The following KLRB1 variants were observed in gnomAD, a reference collection of about 807,000 sequenced individuals.
KLRB1 encodes killer cell lectin-like receptor subfamily B member 1.
In KLRB1, 27 loss-of-function variants were observed where a neutral mutation model predicts 33.5. The ratio of observed to expected loss-of-function variants is 0.81; its 90% confidence interval spans 0.59 to 1.11. The LOEUF (loss-of-function observed/expected upper bound fraction) is 1.11, where lower values mean the gene tolerates loss of function less well. KLRB1 is among the 50% of genes most tolerant of loss of function. The pLI, the probability that KLRB1 is intolerant of heterozygous loss-of-function variation, is 0.00. For missense variants in KLRB1, 241 were observed against 254.1 expected, an observed-to-expected ratio of 0.95 and a Z score of 0.35; for synonymous variants, 64 against 88.9, an observed-to-expected ratio of 0.72 and a Z score of 1.58.
Position 9,607,846 on chromosome 12 carries a change from C to G in KLRB1, c.-7G>C, listed in dbSNP as rs761996100. 2.5e-6 allele frequency: 4 copies of G among 1,603,376 alleles called. No individual in the cohort carries two copies. The highest frequency in any genetic ancestry group is 2.2e-5 in the East Asian group (1 of 44,784). ...ATATTGCTTGTTGGTCCATGGCAGA[C>G]AGAGGAAGGTGGCATTAAACTTGTG... is the stretch of plus-strand genomic sequence containing the variant. On this transcript the variant is annotated 5_prime_UTR_variant, in exon 1 of 6. Transcript: ENST00000229402.
chr12:9,599,858 A>C lies in KLRB1; in HGVS notation c.185-17T>G. On this transcript the variant is annotated splice_polypyrimidine_tract_variant and intron_variant, in intron 2 of 5. Coordinates refer to ENST00000229402, the MANE Select transcript of KLRB1 (RefSeq NM_002258.3). ...AGGATGTCACTAGTACATAAGGAAAAACAAGAGTATTAAATGCTGAAATGT... is the reference window on the plus strand; with the variant it reads ...AGGATGTCACTAGTACATAAGGAAACACAAGAGTATTAAATGCTGAAATGT... The C allele has an allele frequency of 2.1e-6, 3 of 1,430,094 alleles. No individual in the cohort carries two copies. The highest frequency in any genetic ancestry group is 3.0e-6 in the Non-Finnish European group (3 of 1,012,856). 88.6% of individuals were successfully genotyped at this position (1,430,094 alleles called of 1,614,324 possible). A position where few individuals can be genotyped will look rare whatever the true frequency, so the allele number is the denominator to read the frequency against.
chr12:9,606,754 A>T (rs1377189351), intron 1 of KLRB1, among the ~76,000 whole-genome samples: 868 of 25,330 alleles, frequency 0.034, 43 homozygotes, highest in Middle Eastern at 0.11. Flanking sequence ...ATATATATAT[A>T]TATATATTTT....
intron 2 of KLRB1, among the ~76,000 whole-genome samples, chr12:9,601,005 C>G (rs1864535409): frequency 7.0e-6 from 1 of 142,528 alleles, no homozygotes; most frequent in Admixed American, 7.3e-5. Flanking sequence ...GTATAAAACC[C>G]GATTGTATGC....
At position 9,603,624 on chromosome 12, in the gene KLRB1, A is replaced by T. The variant is rs866396114; in HGVS notation, c.86-2025T>A. 4.8e-5 allele frequency among the ~76,000 whole-genome samples: 7 copies of T among 144,404 alleles called. No homozygotes were observed. In the South Asian group the frequency reaches 1.1e-3, roughly 23 times the overall value. 94.7% of individuals were successfully genotyped at this position (144,404 alleles called of 152,430 possible). Reference sequence around the variant, plus strand: ...TTTTTTTTTTTTTTTTTTAGTAGAGACGGGTTTCTCCATGTTGGTCAGGCT... The same window carrying T: ...TTTTTTTTTTTTTTTTTTAGTAGAGTCGGGTTTCTCCATGTTGGTCAGGCT... On this transcript the variant is annotated intron_variant, in intron 1 of 5. Transcript: ENST00000229402.
At chr12:9,607,368 CTT>C (rs1864627643) in intron 1 of KLRB1, among the ~76,000 whole-genome samples, 1 of 71,588 alleles carries the variant, frequency 1.4e-5, no homozygotes, top group African/African-American at 4.5e-5. Context: ...TTCTTTCTTT[CTT>C]TCTTTCTTTC....
chr12:9,595,190 C>T lies in KLRB1; in HGVS notation c.*84G>A, dbSNP rs1329512317. On this transcript the variant is annotated 3_prime_UTR_variant, in exon 6 of 6. Transcript: ENST00000229402. ...TCACTTTGTGCCACTAAATGTGGCACTATTAGGTAGTACCAATAGTATGTG... is the reference window on the plus strand; with the variant it reads ...TCACTTTGTGCCACTAAATGTGGCATTATTAGGTAGTACCAATAGTATGTG... 2.5e-6 allele frequency: 3 copies of T among 1,205,634 alleles called. No individual in the cohort carries two copies. The highest frequency in any genetic ancestry group is 3.6e-6 in the Non-Finnish European group (3 of 831,820). The allele number at this position is 1,205,634 out of a possible 1,614,324, so 74.7% of individuals were successfully genotyped here. A position where few individuals can be genotyped will look rare whatever the true frequency, so the allele number is the denominator to read the frequency against.
intron 2 of KLRB1, among the ~76,000 whole-genome samples, chr12:9,600,274 A>G (rs371540416): frequency 8.5e-5 from 13 of 152,148 alleles, no homozygotes; most frequent in Admixed American, 4.6e-4. Context: ...GTTATCATCA[A>G]TTGTGATTTT....
At chr12:9,596,825 T>A (rs4763239) in intron 5 of KLRB1, among the ~76,000 whole-genome samples, 1 of 151,956 alleles carries the variant, frequency 6.6e-6, no homozygotes, top group Non-Finnish European at 1.5e-5. Context: ...ACCAATACCA[T>A]GTGTGGAAAG....
Position 9,596,384 on chromosome 12 carries a change from T to C in KLRB1, c.531-963A>G, listed in dbSNP as rs117449745. Among the ~76,000 whole-genome samples, 111 of 152,322 alleles carry C rather than the reference T, an allele frequency of 7.3e-4. 4 individuals are homozygous for C. The East Asian group carries it at 0.02, about 28-fold the overall frequency. Reference sequence around the variant, plus strand: ...TCAGGGTAATTTTTTTAAATGCCAATCTGGCCAAGTCAACAATTCCTTTTC... The same window carrying C: ...TCAGGGTAATTTTTTTAAATGCCAACCTGGCCAAGTCAACAATTCCTTTTC... On this transcript the variant is annotated intron_variant, in intron 5 of 5. Coordinates refer to ENST00000229402, the MANE Select transcript of KLRB1 (RefSeq NM_002258.3).
intron 5 of KLRB1, among the ~76,000 whole-genome samples, 180 bp downstream of exon 5, chr12:9,597,866 T>C (rs773699644): frequency 6.6e-6 from 1 of 152,312 alleles, no homozygotes; most frequent in Non-Finnish European, 1.5e-5. Context: ...AAAGAGCTGA[T>C]ATCTTTTCAT....
chr12:9,606,821 A>G (rs1371328140), intron 1 of KLRB1, among the ~76,000 whole-genome samples: 1 of 145,004 alleles, frequency 6.9e-6, no homozygotes, highest in Non-Finnish European at 1.5e-5. Context: ...CAGTGGCACA[A>G]TTACAGCTCA....
At chr12:9,598,767 T>A (rs945254903) in intron 3 of KLRB1, 114 bp from the exon 4 acceptor site, 1 of 650,060 alleles carries the variant, frequency 1.5e-6, no homozygotes, top group East Asian at 2.8e-5. Flanking sequence ...TTTTTGATTA[T>A]CACTGTGAGA....
chr12:9,595,198 T>C lies in KLRB1; in HGVS notation c.*76A>G. ...TGCCACTAAATGTGGCACTATTAGG[T>C]AGTACCAATAGTATGTGCAGCTACA... is the stretch of plus-strand genomic sequence containing the variant. On this transcript the variant is annotated 3_prime_UTR_variant, in exon 6 of 6. Coordinates refer to ENST00000229402, the MANE Select transcript of KLRB1 (RefSeq NM_002258.3). 1 of 1,258,654 alleles carries C rather than the reference T, an allele frequency of 7.9e-7. No individual in the cohort carries two copies. Among genetic ancestry groups the C allele is most frequent in the South Asian group, 1.3e-5 (1 of 77,754 alleles). The allele number at this position is 1,258,654 out of a possible 1,614,324, so 78.0% of individuals were successfully genotyped here. A position where few individuals can be genotyped will look rare whatever the true frequency, so the allele number is the denominator to read the frequency against.
intron 1 of KLRB1, among the ~76,000 whole-genome samples, chr12:9,604,779 A>G (rs1741724894): frequency 6.6e-6 from 1 of 152,118 alleles, no homozygotes; most frequent in Non-Finnish European, 1.5e-5. Flanking sequence ...ACACCGTCTC[A>G]TCTTTTATAC....
intron 1 of KLRB1, 87 bp downstream of exon 1, chr12:9,607,668 A>G: frequency 1.1e-6 from 1 of 902,514 alleles, no homozygotes; most frequent in Non-Finnish European, 1.8e-6. Context: ...CTCATCTTTA[A>G]AGCAATGATT....
At chr12:9,596,113 G>A (rs372093059) in intron 5 of KLRB1, among the ~76,000 whole-genome samples, 14 of 152,146 alleles carry the variant, frequency 9.2e-5, no homozygotes, top group East Asian at 5.8e-4. Context: ...TGAGTTGCAA[G>A]GACGGTGTGA....
Position 9,598,567 on chromosome 12 carries a change from T to C in KLRB1, c.346A>G (p.Asn116Asp). 1 of 1,613,226 alleles carries C rather than the reference T, an allele frequency of 6.2e-7. No individual in the cohort carries two copies. The highest frequency in any genetic ancestry group is 1.3e-5 in the African/African-American group (1 of 74,986). ...GTGGAACAATCAGCTAGACTGTTAT[T>C]CCAAGGGTTGACAGTGTGAGAAAAT... ...LLFSHTVNPWNNSLADCSTKE... is the reference protein window; with the variant it reads ...LLFSHTVNPWDNSLADCSTKE... Residue 116 changes from asparagine (N) to aspartate (D), a missense_variant, in exon 4 of 6, where the codon AAT (asparagine) becomes GAT (aspartate). Asn to Asp is a conservative substitution (Grantham distance 23). Coordinates refer to ENST00000229402, the MANE Select transcript of KLRB1 (RefSeq NM_002258.3).
At chr12:9,606,743 TA>T (rs1864607510) in intron 1 of KLRB1, among the ~76,000 whole-genome samples, 2 of 29,566 alleles carry the variant, frequency 6.8e-5, no homozygotes, top group African/African-American at 3.0e-4. Flanking sequence ...AGTATATATA[TA>T]TATATATATA....
chr12:9,599,160 AG>A (rs1184143435), intron 3 of KLRB1, among the ~76,000 whole-genome samples: 1 of 152,246 alleles, frequency 6.6e-6, no homozygotes, highest in East Asian at 1.9e-4. Flanking sequence ...AAAAATTATA[AG>A]AAAATTTCCA....
Sources: gnomAD v4.1 joint callset for allele counts (sites outside exome capture counted in the v4.1 genomes callset) on GRCh38, gnomAD v4.1.1 for gene constraint, MANE v1.5 for transcripts, NCBI Gene and HGNC (gene_info 2026-07-23, HGNC 2026-07-21) for gene names.